Variants in POLRMT observed in about 807,000 individuals in gnomAD.
POLRMT encodes RNA polymerase mitochondrial, also known as DNA-directed RNA polymerase, mitochondrial.
Under a neutral mutation model 132.2 loss-of-function variants are expected in POLRMT, and 114 were observed. The ratio of observed to expected loss-of-function variants is 0.86; its 90% CI spans 0.74 to 1.01. The LOEUF (loss-of-function observed/expected upper bound fraction) is 1.01, where lower values mean the gene tolerates loss of function less well. POLRMT is among the 50% of genes least tolerant of loss of function. POLRMT has a pLI of 0.00. For missense variants in POLRMT, 2,003 were observed against 1,729.1 expected (o/e 1.16, Z -2.81); for synonymous variants, 1,020 against 773.4 (o/e 1.32, Z -5.29).
chr19:618,559 G>A lies in POLRMT; in HGVS notation c.3351C>T (p.Asn1117=), dbSNP rs201124170. 129 of 1,613,342 alleles carry A rather than the reference G, an allele frequency of 8.0e-5. 1 individual carries two copies. In the East Asian group the frequency reaches 1.1e-3, roughly 13 times the overall value. Residue 1117 remains asparagine (N), a synonymous_variant, in exon 17 of 21, where the codon AAC becomes AAT. Transcript: ENST00000588649. ...SRKPNTRKQK[N]GFPPNFIHSL... is the part of the protein sequence containing the mutation. ...AGTGGATGAAGTTGGGCGGGAAGCC[G>A]TTCTTCTGCTTACGTGTGTTGGGCT...
intron 2 of POLRMT, 148 bp downstream of exon 2, chr19:632,686 A>G: frequency 3.2e-6 from 2 of 619,008 alleles, no homozygotes; most frequent in South Asian, 4.1e-5. Flanking sequence ...GGTGCAAGAG[A>G]TGTTTCAGCA....
At chr19:622,557 G>A (rs961921392) in intron 8 of POLRMT, 25 bp downstream of exon 8, 58 of 1,578,584 alleles carry the variant, frequency 3.7e-5, no homozygotes, top group Middle Eastern at 2.3e-4. Flanking sequence ...GCCCCAGCCA[G>A]GAGGAGAGGG....
At position 622,886 on chromosome 19, in the gene POLRMT, G is replaced by A. The variant is rs775678643; in HGVS notation, c.1390C>T (p.Arg464Trp). The change falls in exon 7 of 21, where the codon CGG becomes TGG. Residue 464 changes from arginine (R) to tryptophan (W), a missense_variant. By Grantham distance (101) the Arg-to-Trp change is moderately radical. Transcript: ENST00000588649. Reference sequence around the variant, plus strand: ...CACAGGAAGGGGTAAAGTGAGAACCGGCCCTCGTACACCTCGCGCTCTAGG... The same window carrying A: ...CACAGGAAGGGGTAAAGTGAGAACCAGCCCTCGTACACCTCGCGCTCTAGG... ...NRLEREVYEGRFSLYPFLCLL... is the reference protein window; with the variant it reads ...NRLEREVYEGWFSLYPFLCLL... 2.3e-5 allele frequency: 37 copies of A among 1,611,044 alleles called. No homozygotes were observed. The highest frequency in any genetic ancestry group is 4.5e-5 in the East Asian group (2 of 44,812).
intron 12 of POLRMT, 67 bp from the exon 13 acceptor site, chr19:619,832 A>C: frequency 6.4e-7 from 1 of 1,551,924 alleles, no homozygotes; most frequent in South Asian, 1.2e-5. Flanking sequence ...CCAAGCACCC[A>C]TGAAGCCCCC....
At chr19:633,169 G>A (rs1312589808) in intron 1 of POLRMT, 3 of 597,852 alleles carry the variant, frequency 5.0e-6, no homozygotes, top group South Asian at 5.0e-5. Flanking sequence ...AGGTGCAGCA[G>A]GTCAAAGGTT....
intron 4 of POLRMT, 31 bp downstream of exon 4, chr19:625,093 G>GGGGGGT (rs1568172367): frequency 6.3e-7 from 1 of 1,599,522 alleles, no homozygotes; most frequent in East Asian, 2.2e-5. Flanking sequence ...GGGACATGGT[G>GGGGGGT]GGGGGTGGGG....
chr19:622,065 G>A (rs1984653580), intron 9 of POLRMT, 84 bp downstream of exon 9: 3 of 1,314,484 alleles, frequency 2.3e-6, no homozygotes, highest in Admixed American at 2.3e-5. Flanking sequence ...TGAGATCAAG[G>A]CTCCGCCCAA....
At chr19:628,555 A>G (rs889400641) in intron 3 of POLRMT, among the ~76,000 whole-genome samples, 4 of 152,224 alleles carry the variant, frequency 2.6e-5, no homozygotes, top group African/African-American at 7.2e-5. Flanking sequence ...GTATTTTAAT[A>G]TAATAGTATC....
intron 13 of POLRMT, 72 bp downstream of exon 13, chr19:619,514 C>T: frequency 1.3e-6 from 2 of 1,573,036 alleles, no homozygotes; most frequent in Non-Finnish European, 1.7e-6. Flanking sequence ...GAGGCTGGGT[C>T]GGGGGCACAC....
rs1984438247 is a variant in POLRMT, at chr19:620,495, G to A, written c.2641-8C>T. On this transcript the variant is annotated splice_polypyrimidine_tract_variant and splice_region_variant and intron_variant, in intron 10 of 20. Coordinates refer to ENST00000588649, the MANE Select transcript of POLRMT (RefSeq NM_005035.4). The stretch of plus-strand genomic sequence containing the variant: ...CATCCACCACTTTCGGCCCTGCGGG[G>A]ACAGCGGATGGGGGGCAGTGAGGCC... 4 of 1,570,490 alleles carry A rather than the reference G, an allele frequency of 2.5e-6. No homozygotes were observed. In the South Asian group the frequency reaches 3.5e-5, roughly 14 times the overall value.
At chr19:627,023 GTAACA>G in intron 3 of POLRMT, among the ~76,000 whole-genome samples, 1 of 151,680 alleles carries the variant, frequency 6.6e-6, no homozygotes, top group South Asian at 2.1e-4. Flanking sequence ...GCCTGTAACT[GTAACA>G]GACTATTCCA....
At chr19:630,280 C>T (rs1985322146) in intron 2 of POLRMT, 112 bp from the exon 3 acceptor site, 1 of 1,295,990 alleles carries the variant, frequency 7.7e-7, no homozygotes, top group Non-Finnish European at 1.0e-6. Context: ...CTCGCTGGGA[C>T]CCAAGGCGTG....
At position 620,345 on chromosome 19, in the gene POLRMT, G is replaced by A. The variant is rs747766763; in HGVS notation, c.2763+20C>T. The A allele has an allele frequency of 9.0e-6, 14 of 1,557,242 alleles. No individual in the cohort carries two copies. Among genetic ancestry groups the A allele is most frequent in the South Asian group, 3.6e-5 (3 of 84,194 alleles). On this transcript the variant is annotated intron_variant, in intron 11 of 20. Transcript: ENST00000588649. ...CAGTGCACACTGCACGGCCTCGGGG[G>A]CCAGACCCAGCTGGCTCACCTGATG...
Position 619,267 on chromosome 19 carries a change from G to C in POLRMT, c.3096C>G (p.Leu1032=), listed in dbSNP as rs749166486. The change falls in exon 14 of 21, where the codon CTC becomes CTG. Residue 1032 remains leucine (L), a synonymous_variant. Coordinates refer to ENST00000588649, the MANE Select transcript of POLRMT (RefSeq NM_005035.4). The stretch of plus-strand genomic sequence containing the variant: ...GTAGACTCTTGAAGACCTGGCGTAC[G>C]AGATAGTGAGAGGCCTCCCACACGA... The part of the protein sequence containing the change: ...QEFVWEASHY[L]VRQVFKSLQE... The C allele has an allele frequency of 1.2e-6, 2 of 1,607,422 alleles. No individual in the cohort carries two copies. The highest frequency in any genetic ancestry group is 1.7e-6 in the Non-Finnish European group (2 of 1,178,896).
At chr19:619,427 C>G in intron 13 of POLRMT, 131 bp from the exon 14 acceptor site, 1 of 1,351,008 alleles carries the variant, frequency 7.4e-7, no homozygotes. Flanking sequence ...GGGCCTGGCG[C>G]CCACGCAGTC....
chr19:625,379 G>C, intron 3 of POLRMT, 125 bp from the exon 4 acceptor site: 1 of 1,317,584 alleles, frequency 7.6e-7, no homozygotes, highest in Non-Finnish European at 1.0e-6. Context: ...AGGCAGGAGT[G>C]GCCAGCTGGG....
chr19:628,058 G>C (rs945123545), intron 3 of POLRMT, among the ~76,000 whole-genome samples: 1 of 152,092 alleles, frequency 6.6e-6, no homozygotes, highest in East Asian at 1.9e-4. Context: ...CCAGCTGCTC[G>C]GGAGGCTGAG....
chr19:626,916 A>T (rs774368527), intron 3 of POLRMT, among the ~76,000 whole-genome samples: 24 of 130,552 alleles, frequency 1.8e-4, no homozygotes, highest in East Asian at 4.7e-4. Flanking sequence ...TATATATATA[A>T]AATAACATAT....
intron 3 of POLRMT, among the ~76,000 whole-genome samples, chr19:629,262 C>A (rs1487962175): frequency 6.6e-6 from 1 of 151,984 alleles, no homozygotes; most frequent in East Asian, 1.9e-4. Context: ...TGCCCCCCGA[C>A]GAGGCCAAAA....
Sources: gnomAD v4.1 joint callset for allele counts (sites outside exome capture counted in the v4.1 genomes callset) on GRCh38, gnomAD v4.1.1 for gene constraint, MANE v1.5 for transcripts, NCBI Gene and HGNC (gene_info 2026-07-23, HGNC 2026-07-21) for gene names.